The following FGF13 variants were observed in gnomAD, a reference collection of about 807,000 sequenced individuals.
FGF13 encodes the protein fibroblast growth factor 13.
In FGF13, 2 loss-of-function variants were observed where a neutral mutation model predicts 19.5. The ratio of observed to expected loss-of-function variants is 0.10; its 90% CI spans 0.04 to 0.32. The LOEUF is 0.32. FGF13 is among the 10% of genes least tolerant of loss of function. FGF13 has a pLI of 1.00. For synonymous variants in FGF13, 72 were observed against 76.9 expected, an observed-to-expected ratio of 0.94 and a Z score of 0.33; for missense variants, 113 against 192.7, an observed-to-expected ratio of 0.59 and a Z score of 2.45.
At chrX:138,694,645 T>A (rs12385440) in intron 3 of FGF13, among the ~76,000 whole-genome samples, 53 of 107,357 alleles carry the variant, frequency 4.9e-4, no homozygotes, top group Non-Finnish European at 8.5e-4. Flanking sequence ...TTTATTTTTT[T>A]AAATTTTTTA....
chrX:138,771,022 G>A (rs1391049507), intron 3 of FGF13, among the ~76,000 whole-genome samples: 1 of 111,444 alleles, frequency 9.0e-6, no homozygotes, highest in African/African-American at 3.3e-5. Context: ...GTAAAGAATG[G>A]GGTCCCAGGC....
intron 1 of FGF13, among the ~76,000 whole-genome samples, chrX:138,972,932 C>G (rs1328440384): frequency 9.1e-6 from 1 of 109,900 alleles, no homozygotes; most frequent in Non-Finnish European, 1.9e-5. Context: ...TAGGTAGAAG[C>G]CTTGTCAGTT....
At chrX:139,202,602 G>A (rs959910115) in intron 1 of FGF13, among the ~76,000 whole-genome samples, 2 of 111,493 alleles carry the variant, frequency 1.8e-5, no homozygotes, top group Non-Finnish European at 3.8e-5. Flanking sequence ...CCTATTTGGG[G>A]GAGAAATGGC....
At chrX:138,642,417 G>GA (rs990537703) in intron 3 of FGF13, among the ~76,000 whole-genome samples, 2 of 111,476 alleles carry the variant, frequency 1.8e-5, no homozygotes, top group Non-Finnish European at 3.8e-5. Flanking sequence ...GTAAAATGGT[G>GA]AAAAAAATCT....
chrX:138,999,394 G>T (rs1261914247), intron 1 of FGF13, among the ~76,000 whole-genome samples: 1 of 111,360 alleles, frequency 9.0e-6, no homozygotes, highest in Non-Finnish European at 1.9e-5. Flanking sequence ...AATGAATCCA[G>T]GAGCTGGTTT....
upstream of FGF13, among the ~76,000 whole-genome samples, chrX:138,715,219 A>G (rs1036615547): frequency 2.6e-4 from 29 of 111,804 alleles, no homozygotes; most frequent in Non-Finnish European, 4.9e-4. Flanking sequence ...TCAACTCCCA[A>G]AGAGTTCTAG....
intron 1 of FGF13, among the ~76,000 whole-genome samples, chrX:138,984,355 C>T (rs1298538166): frequency 2.0e-5 from 2 of 98,870 alleles, no homozygotes; most frequent in Non-Finnish European, 4.1e-5. Flanking sequence ...TTGTAGTGAA[C>T]CGAGATTGCA....
intron 1 of FGF13, among the ~76,000 whole-genome samples, chrX:138,872,652 C>T (rs1003972215): frequency 8.9e-6 from 1 of 112,072 alleles, no homozygotes; most frequent in Non-Finnish European, 1.9e-5. Flanking sequence ...GTTCTTCCCT[C>T]TTCTTGATAC....
upstream of FGF13, chrX:138,715,787 G>A (rs1392421479): frequency 1.8e-5 from 2 of 112,154 alleles, no homozygotes; most frequent in Non-Finnish European, 3.8e-5. Context: ...TCCACTCCTC[G>A]TGGGTTCACT....
chrX:138,753,808 A>C (rs1441404184), intron 3 of FGF13, among the ~76,000 whole-genome samples: 2 of 112,349 alleles, frequency 1.8e-5, no homozygotes, highest in African/African-American at 3.2e-5. Flanking sequence ...TTGTTGACTT[A>C]ATCAAAATTG....
chrX:138,785,697 G>C (rs1339676775), intron 3 of FGF13, among the ~76,000 whole-genome samples: 1 of 111,626 alleles, frequency 9.0e-6, no homozygotes, highest in Non-Finnish European at 1.9e-5. Flanking sequence ...ATTTTTTACA[G>C]CTCCTTTTCT....
At chrX:138,753,907 A>C (rs761995623) in intron 3 of FGF13, among the ~76,000 whole-genome samples, 1 of 112,082 alleles carries the variant, frequency 8.9e-6, no homozygotes, top group Non-Finnish European at 1.9e-5. Flanking sequence ...ACTGCTCTCT[A>C]AATAGCTAAC....
At chrX:138,908,539 T>C (rs1325461478) in intron 1 of FGF13, among the ~76,000 whole-genome samples, 2 of 110,549 alleles carry the variant, frequency 1.8e-5, no homozygotes, top group African/African-American at 3.3e-5. Context: ...AGTTTTCCCA[T>C]CTGTAAAAGG....
intron 1 of FGF13, among the ~76,000 whole-genome samples, chrX:139,059,073 T>G (rs757123543): frequency 3.6e-5 from 4 of 111,635 alleles, no homozygotes; most frequent in African/African-American, 9.8e-5. Flanking sequence ...TAGTATCACT[T>G]TCATTATTAT....
At chrX:138,977,235 A>G (rs913562079) in intron 1 of FGF13, among the ~76,000 whole-genome samples, 8 of 111,761 alleles carry the variant, frequency 7.2e-5, no homozygotes, top group Non-Finnish European at 1.3e-4. Context: ...ATTAAATGCA[A>G]TTCGTTTTCT....
At chrX:139,159,091 AC>A (rs2084005578) in intron 1 of FGF13, among the ~76,000 whole-genome samples, 4 of 112,190 alleles carry the variant, frequency 3.6e-5, no homozygotes, top group African/African-American at 1.3e-4. Flanking sequence ...AGGTTGGGTT[AC>A]CCACAAAGGG....
rs145354184 is a variant in FGF13, at chrX:138,632,308, A to C, written c.*542T>G. ...TTAAGTGACGCAAAAAGTCAATAGA[A>C]CCATTGAATTTCAGAAATCATAAAG... On this transcript the variant is annotated 3_prime_UTR_variant, in exon 5 of 5. Coordinates refer to ENST00000315930, the MANE Select transcript of FGF13 (RefSeq NM_004114.5). 246 of 112,524 alleles carry C rather than the reference A, an allele frequency of 2.2e-3. No individual in the cohort carries two copies. The highest frequency in any genetic ancestry group is 2.7e-3 in the Non-Finnish European group (146 of 53,211). The allele number at this position is 112,524 out of a possible 1,213,427, so 9.3% of individuals were successfully genotyped here.
chrX:138,900,252 C>G (rs1403965064), intron 1 of FGF13, among the ~76,000 whole-genome samples: 1 of 110,939 alleles, frequency 9.0e-6, no homozygotes, highest in Non-Finnish European at 1.9e-5. Context: ...CTCAGGGATC[C>G]AGACAGGATC....
intron 3 of FGF13, among the ~76,000 whole-genome samples, chrX:138,693,407 G>A (rs976419796): frequency 9.0e-6 from 1 of 111,433 alleles, no homozygotes; most frequent in African/African-American, 3.3e-5. Flanking sequence ...TGAGCTAGCA[G>A]ATCCATTTGG....
Sources: allele counts gnomAD v4.1 joint callset (sites outside exome capture counted in the v4.1 genomes callset), GRCh38; gene constraint gnomAD v4.1.1; transcripts MANE v1.5; gene names NCBI Gene and HGNC (gene_info 2026-07-23, HGNC 2026-07-21).